PHF21B: variants seen among roughly 807,000 people sequenced by gnomAD.
PHF21B encodes the protein PHD finger protein 21B, also known as PHD finger protein 4.
PHF21B carries 22 observed loss-of-function variants against 62.2 expected under a neutral mutation model. The ratio of observed to expected loss-of-function variants is 0.35; its 90% confidence interval spans 0.25 to 0.51. The LOEUF is 0.51. Ranked by LOEUF, PHF21B falls within the 20% of genes least tolerant of loss-of-function variation. The probability of loss-of-function intolerance (pLI) is 0.97; values close to 1 mark genes in which losing one functional copy is unlikely to be tolerated. For missense variants in PHF21B, 701 were observed against 707.9 expected (o/e 0.99, Z 0.11); for synonymous variants, 341 against 314.7 (o/e 1.08, Z -0.88).
Position 44,888,138 on chromosome 22 carries a change from G to A in PHF21B, c.1039-17C>T, listed in dbSNP as rs1486080702. 11 of 1,503,096 alleles carry A rather than the reference G, an allele frequency of 7.3e-6. No individual in the cohort carries two copies. The highest frequency in any genetic ancestry group is 1.3e-5 in the South Asian group (1 of 78,496). 93.1% of individuals were successfully genotyped at this position (1,503,096 alleles called of 1,614,324 possible). On this transcript the variant is annotated splice_polypyrimidine_tract_variant and intron_variant, in intron 9 of 12. Transcript: ENST00000313237. ...GATCTCGTTCTGGAAGAGAAGGGAG[G>A]GCAGGAGACAGGTCAGCCACAGCCA...
At chr22:44,907,904 G>C (rs957609161) in intron 5 of PHF21B, among the ~76,000 whole-genome samples, 22 of 152,188 alleles carry the variant, frequency 1.4e-4, no homozygotes, top group African/African-American at 4.8e-4. Context: ...CAATCCCACG[G>C]TCCACTGACC....
rs138840489 is a variant in PHF21B, at chr22:44,939,127, T to C, written c.121-18637A>G. Among the ~76,000 whole-genome samples, 40 of 152,214 alleles carry C rather than the reference T, an allele frequency of 2.6e-4. No individual in the cohort carries two copies. The East Asian group carries it at 7.1e-3, about 27-fold the overall frequency. ...GCCAAGACCCCTTAGGAGCCTCCAG[T>C]AGAAAACTCAAGATCGGCTCAGACA... is the stretch of plus-strand genomic sequence containing the variant. On this transcript the variant is annotated intron_variant, in intron 2 of 12. Coordinates refer to ENST00000313237, the MANE Select transcript of PHF21B (RefSeq NM_138415.5).
At chr22:44,906,455 G>A (rs1318601053) in intron 5 of PHF21B, among the ~76,000 whole-genome samples, 4 of 152,232 alleles carry the variant, frequency 2.6e-5, no homozygotes, top group African/African-American at 9.6e-5. Context: ...GTGTAACAGG[G>A]CTTGCTCAGA....
chr22:44,982,118 G>T (rs1251283320), intron 2 of PHF21B, among the ~76,000 whole-genome samples: 1 of 152,250 alleles, frequency 6.6e-6, no homozygotes, highest in Non-Finnish European at 1.5e-5. Flanking sequence ...GTTCTCTCCT[G>T]GTTCTGCCAG....
At chr22:44,941,651 A>G (rs1601623541) in intron 2 of PHF21B, among the ~76,000 whole-genome samples, 1 of 152,136 alleles carries the variant, frequency 6.6e-6, no homozygotes, top group African/African-American at 2.4e-5. Context: ...GCAGGGGTGG[A>G]CGGAGTCCAC....
chr22:44,935,635 A>C (rs939631864), intron 2 of PHF21B, among the ~76,000 whole-genome samples: 7 of 151,662 alleles, frequency 4.6e-5, no homozygotes, highest in African/African-American at 7.3e-5. Context: ...AACAAACAAA[A>C]AAAAAACAGA....
intron 2 of PHF21B, among the ~76,000 whole-genome samples, chr22:44,935,226 C>T (rs1335140432): frequency 1.3e-5 from 2 of 152,132 alleles, no homozygotes; most frequent in Non-Finnish European, 2.9e-5. Context: ...GGTTATGAGA[C>T]CCTGAACAAG....
intron 5 of PHF21B, among the ~76,000 whole-genome samples, chr22:44,909,090 G>T (rs781517684): frequency 2.6e-5 from 4 of 152,160 alleles, no homozygotes; most frequent in Admixed American, 2.6e-4. Flanking sequence ...GAGCCACTGC[G>T]CCTGGCCTTG....
intron 2 of PHF21B, among the ~76,000 whole-genome samples, chr22:44,962,907 A>G (rs1407897230): frequency 6.6e-6 from 1 of 152,206 alleles, no homozygotes; most frequent in African/African-American, 2.4e-5. Flanking sequence ...AGAGCCACGC[A>G]GTACAGTTTT....
Position 44,916,469 on chromosome 22 carries a change from C to A in PHF21B, c.375G>T (p.Ala125=), listed in dbSNP as rs560827322. 3.1e-6 allele frequency: 5 copies of A among 1,603,596 alleles called. No homozygotes were observed. The highest frequency in any genetic ancestry group is 2.2e-5 in the East Asian group (1 of 44,786). ...CGAGGGCCTGGGGCTGGCTGCCGGG[C>A]GCTGGCACATGGCTGACAGTGTTGT... ...TANNTVSHVP[A]PGSQPQALAE... Residue 125 remains alanine, a synonymous_variant, in exon 4 of 13, where the codon GCG becomes GCT. Transcript: ENST00000313237.
chr22:44,903,975 T>G (rs977831330), intron 5 of PHF21B, among the ~76,000 whole-genome samples: 51 of 152,350 alleles, frequency 3.3e-4, no homozygotes, highest in African/African-American at 1.2e-3. Flanking sequence ...TCCTCTACTT[T>G]ATTTGTATTT....
intron 5 of PHF21B, among the ~76,000 whole-genome samples, chr22:44,911,936 C>A (rs904255931): frequency 2.0e-5 from 3 of 152,238 alleles, no homozygotes; most frequent in Admixed American, 6.5e-5. Flanking sequence ...CTATACCCTG[C>A]AAAGCCACAG....
chr22:44,887,953 C>T lies in PHF21B; in HGVS notation c.1197+10G>A, dbSNP rs778933094. 6 of 1,473,218 alleles carry T rather than the reference C, an allele frequency of 4.1e-6. No individual in the cohort carries two copies. In the South Asian group the frequency reaches 8.6e-5, roughly 21 times the overall value. The allele number at this position is 1,473,218 out of a possible 1,614,324, so 91.3% of individuals were successfully genotyped here. ...AGTCTGGGGTGAGGGGGTCACACAG[C>T]CTCCTGTACCTTCTGCTGGCACCTG... On this transcript the variant is annotated intron_variant, in intron 10 of 12. Coordinates refer to ENST00000313237, the MANE Select transcript of PHF21B (RefSeq NM_138415.5).
At chr22:44,885,285 C>T in intron 12 of PHF21B, 141 bp downstream of exon 12, 1 of 733,362 alleles carries the variant, frequency 1.4e-6, no homozygotes, top group Non-Finnish European at 2.1e-6. Flanking sequence ...CCTGCCTGTC[C>T]ACCAGGCCCT....
intron 2 of PHF21B, among the ~76,000 whole-genome samples, chr22:44,943,810 C>CGGCA (rs1210275763): frequency 6.6e-6 from 1 of 152,124 alleles, no homozygotes; most frequent in Non-Finnish European, 1.5e-5. Flanking sequence ...TCCAGCCCAG[C>CGGCA]GGCACCCTGG....
intron 2 of PHF21B, among the ~76,000 whole-genome samples, chr22:44,958,487 T>C (rs964778600): frequency 6.6e-6 from 1 of 152,142 alleles, no homozygotes; most frequent in African/African-American, 2.4e-5. Flanking sequence ...TGAAACTCCT[T>C]AGTTAGAGAT....
intron 5 of PHF21B, among the ~76,000 whole-genome samples, chr22:44,909,064 CCAGGATTA>C (rs997558246): frequency 7.9e-5 from 12 of 152,170 alleles, no homozygotes; most frequent in African/African-American, 2.9e-4. Context: ...TCCCAAAGTG[CCAGGATTA>C]CAGGTGTGAG....
intron 5 of PHF21B, among the ~76,000 whole-genome samples, chr22:44,896,880 G>GTTTTTTTTT (rs56878868): frequency 0.27 from 22,239 of 82,258 alleles, 3,735 homozygotes; most frequent in East Asian, 0.55. Flanking sequence ...AGTTTTATCT[G>GTTTTTTTTT]TTTTTTTTTT....
chr22:44,911,103 C>T (rs1303449578), intron 5 of PHF21B, among the ~76,000 whole-genome samples: 1 of 152,134 alleles, frequency 6.6e-6, no homozygotes, highest in African/African-American at 2.4e-5. Flanking sequence ...GAACTTTGAA[C>T]TTGAGAGAGA....
Sources: allele counts gnomAD v4.1 joint callset (sites outside exome capture counted in the v4.1 genomes callset), GRCh38; gene constraint gnomAD v4.1.1; transcripts MANE v1.5; gene names NCBI Gene and HGNC (gene_info 2026-07-23, HGNC 2026-07-21).